The following PTPRM variants were observed in gnomAD, a reference collection of about 807,000 sequenced individuals.
The protein encoded by PTPRM is protein tyrosine phosphatase receptor type M.
In PTPRM, 47 loss-of-function variants were observed where a neutral mutation model predicts 186.7. The observed-to-expected ratio is 0.25, with a 90% CI of 0.20 to 0.32. The LOEUF is 0.32. PTPRM is among the 10% of genes least tolerant of loss of function. The pLI, the probability that PTPRM is intolerant of heterozygous loss-of-function variation, is 1.00. For missense variants in PTPRM, 1,494 were observed against 1,865.0 expected (o/e 0.80, Z 3.66); for synonymous variants, 668 against 674.9 (o/e 0.99, Z 0.16).
rs186224148 is a variant in PTPRM, at chr18:7,649,953, A to G, written c.73+82062A>G. ...GGTATGTACATTTTTTTAAAGACAT[A>G]ATGCTATTACATACTTAATAAAATA... On this transcript the variant is annotated intron_variant, in intron 1 of 32. Coordinates refer to ENST00000580170, the MANE Select transcript of PTPRM (RefSeq NM_001105244.2). 1.7e-4 allele frequency among the ~76,000 whole-genome samples: 26 copies of G among 152,250 alleles called. No homozygotes were observed. In the East Asian group the frequency reaches 3.1e-3, roughly 18 times the overall value.
chr18:7,669,630 GT>G (rs2039172760), intron 1 of PTPRM, among the ~76,000 whole-genome samples: 2 of 152,214 alleles, frequency 1.3e-5, no homozygotes, highest in African/African-American at 4.8e-5. Context: ...TGAATCTTTT[GT>G]TTCAGTAAAC....
chr18:8,290,270 G>A (rs571347617), intron 19 of PTPRM, among the ~76,000 whole-genome samples: 10 of 152,152 alleles, frequency 6.6e-5, no homozygotes, highest in Admixed American at 1.3e-4. Context: ...ATGAGAAAGG[G>A]AGGAAAAATT....
In PTPRM at chr18:7,608,193, G is replaced by A. The variant is rs2037583742; in HGVS notation, c.73+40302G>A. On this transcript the variant is annotated intron_variant, in intron 1 of 32. Transcript: ENST00000580170. ...AGACGACAGGATAGACATACCTTGA[G>A]AGTATTGAGATGACTTGGGAAAAAG... 2.0e-5 allele frequency among the ~76,000 whole-genome samples: 3 copies of A among 152,188 alleles called. No individual in the cohort carries two copies. The South Asian group carries it at 6.2e-4, about 31-fold the overall frequency.
chr18:8,018,756 T>C (rs971631860), intron 7 of PTPRM, among the ~76,000 whole-genome samples: 2 of 152,194 alleles, frequency 1.3e-5, no homozygotes, highest in African/African-American at 4.8e-5. Flanking sequence ...ATACTGAATA[T>C]TATACTAGAA....
chr18:8,199,459 G>A (rs555249615), intron 14 of PTPRM, among the ~76,000 whole-genome samples: 9 of 152,264 alleles, frequency 5.9e-5, no homozygotes, highest in Admixed American at 5.2e-4. Context: ...CTGCCGGTCA[G>A]CAGAGCTCTT....
chr18:7,976,818 G>A (rs1159540211), intron 7 of PTPRM, among the ~76,000 whole-genome samples: 1 of 152,014 alleles, frequency 6.6e-6, no homozygotes, highest in Non-Finnish European at 1.5e-5. Flanking sequence ...GTAGTCAAAT[G>A]ACTACTGAGA....
chr18:8,029,867 C>T (rs943836683), intron 7 of PTPRM, among the ~76,000 whole-genome samples: 1 of 152,178 alleles, frequency 6.6e-6, no homozygotes, highest in Non-Finnish European at 1.5e-5. Context: ...TTTCCTGCCC[C>T]CTGTGTGATC....
intron 19 of PTPRM, among the ~76,000 whole-genome samples, chr18:8,285,424 C>A (rs1488343755): frequency 1.3e-5 from 2 of 152,144 alleles, no homozygotes; most frequent in African/African-American, 4.8e-5. Flanking sequence ...ATGCAAACAA[C>A]TGATGATGTA....
intron 7 of PTPRM, among the ~76,000 whole-genome samples, chr18:8,030,223 G>T (rs958226567): frequency 7.9e-5 from 12 of 152,166 alleles, no homozygotes; most frequent in African/African-American, 2.7e-4. Context: ...TACCATAAAA[G>T]AAGACACTTT....
intron 26 of PTPRM, chr18:8,377,420 T>C (rs1305156990): frequency 6.6e-6 from 1 of 152,208 alleles, no homozygotes; most frequent in Non-Finnish European, 1.5e-5. Flanking sequence ...GTTTGAAAGA[T>C]AATAATCGTA....
intron 7 of PTPRM, among the ~76,000 whole-genome samples, chr18:8,042,522 C>T (rs1044777432): frequency 3.9e-5 from 6 of 152,168 alleles, no homozygotes; most frequent in African/African-American, 7.2e-5. Flanking sequence ...ACAGCAAATG[C>T]GGTCATTTTC....
At chr18:8,169,171 C>T (rs955846895) in intron 14 of PTPRM, among the ~76,000 whole-genome samples, 31 of 152,088 alleles carry the variant, frequency 2.0e-4, no homozygotes, top group African/African-American at 7.5e-4. Context: ...AGAAACACCA[C>T]ACCTAGCAAG....
intron 7 of PTPRM, among the ~76,000 whole-genome samples, chr18:8,000,736 C>A (rs754356248): frequency 3.9e-5 from 6 of 152,192 alleles, no homozygotes; most frequent in Non-Finnish European, 8.8e-5. Flanking sequence ...CCATTTCACA[C>A]CATATATCAT....
At chr18:8,342,815 T>C (rs2095482510) in intron 22 of PTPRM, among the ~76,000 whole-genome samples, 1 of 152,202 alleles carries the variant, frequency 6.6e-6, no homozygotes, top group Admixed American at 6.5e-5. Flanking sequence ...AATGCTCAGA[T>C]CCCAAGAGCT....
intron 1 of PTPRM, among the ~76,000 whole-genome samples, chr18:7,690,396 A>G (rs1281988405): frequency 2.6e-5 from 4 of 152,164 alleles, no homozygotes; most frequent in African/African-American, 9.7e-5. Context: ...GTATTCTTCC[A>G]TTGTTCTACT....
At chr18:8,325,748 T>G (rs1266906246) in intron 22 of PTPRM, among the ~76,000 whole-genome samples, 1 of 152,150 alleles carries the variant, frequency 6.6e-6, no homozygotes, top group East Asian at 1.9e-4. Context: ...CTTTGAGAAA[T>G]TTCCCACACT....
intron 1 of PTPRM, among the ~76,000 whole-genome samples, chr18:7,576,852 A>G (rs2036700851): frequency 6.6e-6 from 1 of 152,252 alleles, no homozygotes; most frequent in South Asian, 2.1e-4. Context: ...TAATAAGCAC[A>G]TGCTTAAAAT....
intron 14 of PTPRM, among the ~76,000 whole-genome samples, chr18:8,180,627 T>A (rs2093559513): frequency 6.6e-6 from 1 of 152,200 alleles, no homozygotes; most frequent in South Asian, 2.1e-4. Flanking sequence ...TGGGAGGGGC[T>A]GCATGTACAC....
chr18:7,700,222 T>A (rs1319696533), intron 1 of PTPRM, among the ~76,000 whole-genome samples: 1 of 152,202 alleles, frequency 6.6e-6, no homozygotes, highest in Non-Finnish European at 1.5e-5. Context: ...AGAAAAAATC[T>A]TTAGCTGCCA....
Sources: allele counts gnomAD v4.1 joint callset (sites outside exome capture counted in the v4.1 genomes callset), GRCh38; gene constraint gnomAD v4.1.1; transcripts MANE v1.5; gene names NCBI Gene and HGNC (gene_info 2026-07-23, HGNC 2026-07-21).